The following PPFIBP2 variants were observed in gnomAD, a reference collection of about 807,000 sequenced individuals.
PPFIBP2 encodes the protein liprin-beta-2.
PPFIBP2 carries 118 observed loss-of-function variants against 118.3 expected under a neutral mutation model. The ratio of observed to expected loss-of-function variants is 1.00; its 90% CI spans 0.86 to 1.16. The LOEUF is 1.16. PPFIBP2 is among the 50% of genes most tolerant of loss of function. PPFIBP2 has a pLI of 0.00. For synonymous variants in PPFIBP2, 414 were observed against 397.4 expected, an observed-to-expected ratio of 1.04 and a Z score of -0.50; for missense variants, 1,195 against 1,073.1, an observed-to-expected ratio of 1.11 and a Z score of -1.59.
chr11:7,534,510 A>T (rs1297413877), intron 1 of PPFIBP2, among the ~76,000 whole-genome samples: 1 of 152,178 alleles, frequency 6.6e-6, no homozygotes, highest in Non-Finnish European at 1.5e-5. Context: ...AATTGTGTGT[A>T]TGCATGTGTG....
At chr11:7,558,294 A>G (rs56861415) in intron 2 of PPFIBP2, among the ~76,000 whole-genome samples, 3,048 of 152,312 alleles carry the variant, frequency 0.02, 125 homozygotes, top group African/African-American at 0.07. Context: ...TTTCTCCCAC[A>G]GTGATACACA....
intron 12 of PPFIBP2, 21 bp downstream of exon 12, chr11:7,632,955 C>T (rs1181196788): frequency 2.5e-6 from 4 of 1,605,252 alleles, no homozygotes; most frequent in South Asian, 2.2e-5. Flanking sequence ...TGGGCATTTC[C>T]CCACAGCCAC....
the PPFIBP2 span, chr11:7,666,315 T>C: frequency 1.6e-6 from 1 of 635,000 alleles, no homozygotes; most frequent in East Asian, 2.7e-5. Context: ...ATTTCCCATC[T>C]GGAGCCAGAG....
chr11:7,649,036 C>A, intron 19 of PPFIBP2, 111 bp from the exon 20 acceptor site: 1 of 1,358,194 alleles, frequency 7.4e-7, no homozygotes, highest in South Asian at 1.3e-5. Context: ...AATTACTAAA[C>A]TTTTGGGGGA....
intron 17 of PPFIBP2, among the ~76,000 whole-genome samples, chr11:7,645,077 C>G (rs1468091739): frequency 1.4e-5 from 2 of 144,268 alleles, no homozygotes; most frequent in East Asian, 2.1e-4. Context: ...TAAACACAAC[C>G]AGTTTTAAGA....
chr11:7,632,620 T>G (rs1013921211), intron 11 of PPFIBP2: 7 of 420,706 alleles, frequency 1.7e-5, no homozygotes, highest in South Asian at 1.3e-4. Flanking sequence ...ACTGTACTAC[T>G]GGGATATGAA....
intron 3 of PPFIBP2, among the ~76,000 whole-genome samples, chr11:7,580,561 G>A (rs1036695380): frequency 6.6e-6 from 1 of 152,134 alleles, no homozygotes; most frequent in Non-Finnish European, 1.5e-5. Flanking sequence ...TATTTGCTCA[G>A]AAAAGAAATC....
chr11:7,634,404 A>G, intron 12 of PPFIBP2, 91 bp from the exon 13 acceptor site: 1 of 1,027,898 alleles, frequency 9.7e-7, no homozygotes, highest in Admixed American at 1.8e-5. Flanking sequence ...TAAGCCCAAG[A>G]CCATCGGTTA....
At chr11:7,571,262 C>G (rs1055547735) in intron 3 of PPFIBP2, among the ~76,000 whole-genome samples, 3 of 152,156 alleles carry the variant, frequency 2.0e-5, no homozygotes, top group Non-Finnish European at 2.9e-5. Context: ...ACAGCCACCC[C>G]CCCTTCTCAG....
intron 17 of PPFIBP2, among the ~76,000 whole-genome samples, chr11:7,643,838 T>C (rs1852579320): frequency 6.6e-6 from 1 of 152,200 alleles, no homozygotes; most frequent in Admixed American, 6.5e-5. Context: ...AAATATGATA[T>C]TTGATAACAT....
chr11:7,523,300 C>T (rs1325843714), intron 1 of PPFIBP2, among the ~76,000 whole-genome samples: 1 of 152,210 alleles, frequency 6.6e-6, no homozygotes, highest in African/African-American at 2.4e-5. Flanking sequence ...TGGACGCTGA[C>T]ACAGTGGTCA....
intron 7 of PPFIBP2, among the ~76,000 whole-genome samples, chr11:7,625,444 A>G (rs1283455792): frequency 6.6e-6 from 1 of 152,250 alleles, no homozygotes; most frequent in Non-Finnish European, 1.5e-5. Flanking sequence ...CTCTGCACCA[A>G]GGACAGCCCT....
At chr11:7,532,578 G>T (rs1369353246) in intron 1 of PPFIBP2, among the ~76,000 whole-genome samples, 1 of 152,202 alleles carries the variant, frequency 6.6e-6, no homozygotes, top group Non-Finnish European at 1.5e-5. Context: ...TTGTAGTCAG[G>T]CTCTCTGGCA....
intron 1 of PPFIBP2, among the ~76,000 whole-genome samples, chr11:7,524,248 G>A (rs1475489115): frequency 4.6e-5 from 7 of 152,064 alleles, no homozygotes; most frequent in African/African-American, 1.2e-4. Flanking sequence ...TCAAAAATGG[G>A]TTACCTCTTT....
chr11:7,597,765 G>A, intron 5 of PPFIBP2, 92 bp downstream of exon 5: 1 of 1,063,054 alleles, frequency 9.4e-7, no homozygotes, highest in Non-Finnish European at 1.4e-6. Flanking sequence ...CTCGCTGTCT[G>A]CTTTCCCATC....
chr11:7,651,603 C>T (rs879038406), intron 22 of PPFIBP2, 53 bp from the exon 23 acceptor site: 6 of 1,523,572 alleles, frequency 3.9e-6, no homozygotes, highest in Non-Finnish European at 5.4e-6. Context: ...CATCCTCCCC[C>T]TCGAGCCATT....
intron 5 of PPFIBP2, among the ~76,000 whole-genome samples, chr11:7,606,772 G>A (rs568475992): frequency 1.3e-5 from 2 of 151,992 alleles, no homozygotes; most frequent in South Asian, 2.1e-4. Flanking sequence ...AGGGATTTTG[G>A]CAATGATGGA....
At chr11:7,665,205 C>A in the PPFIBP2 span, 11 of 538,856 alleles carry the variant, frequency 2.0e-5, no homozygotes, top group African/African-American at 9.7e-5. Flanking sequence ...CAGTCTCCAG[C>A]CCCTTGAGCC....
At chr11:7,540,716 G>GT (rs1851688017) in intron 1 of PPFIBP2, among the ~76,000 whole-genome samples, 1 of 152,224 alleles carries the variant, frequency 6.6e-6, no homozygotes. Flanking sequence ...ACGTGGCACA[G>GT]TTTTCAGGGA....
Sources: gnomAD v4.1 joint callset for allele counts (sites outside exome capture counted in the v4.1 genomes callset) on GRCh38, gnomAD v4.1.1 for gene constraint, MANE v1.5 for transcripts, NCBI Gene and HGNC (gene_info 2026-07-23, HGNC 2026-07-21) for gene names.